Variants in ETV6 observed in about 807,000 individuals in gnomAD.
The protein encoded by ETV6 is transcription factor ETV6.
ETV6 carries 16 observed loss-of-function variants against 51.1 expected under a neutral mutation model. The observed-to-expected ratio is 0.31, with a 90% CI of 0.21 to 0.48. The LOEUF (loss-of-function observed/expected upper bound fraction) is 0.48, where lower values mean the gene tolerates loss of function less well. ETV6 is among the 20% of genes least tolerant of loss of function. The probability of loss-of-function intolerance (pLI) is 0.99; values close to 1 mark genes in which losing one functional copy is unlikely to be tolerated. For missense variants in ETV6, 458 were observed against 594.8 expected, an observed-to-expected ratio of 0.77 and a Z score of 2.39; for synonymous variants, 240 against 224.1, an observed-to-expected ratio of 1.07 and a Z score of -0.64.
intron 1 of ETV6, among the ~76,000 whole-genome samples, chr12:11,684,929 C>A (rs749174541): frequency 5.3e-5 from 8 of 152,160 alleles, no homozygotes. Flanking sequence ...TGCTAACAAT[C>A]AGTGCTCGGA....
intron 1 of ETV6, among the ~76,000 whole-genome samples, chr12:11,721,903 G>A (rs2120931611): frequency 6.6e-6 from 1 of 152,344 alleles, no homozygotes. Flanking sequence ...AAAGTCAGCT[G>A]TTAAAATGCT....
intron 1 of ETV6, among the ~76,000 whole-genome samples, chr12:11,692,435 C>T (rs926613457): frequency 4.6e-5 from 7 of 152,140 alleles, no homozygotes; most frequent in Admixed American, 4.6e-4. Flanking sequence ...AGACGGACTA[C>T]ATATCTTATT....
chr12:11,785,752 A>G (rs1945475386), intron 2 of ETV6, among the ~76,000 whole-genome samples: 1 of 152,192 alleles, frequency 6.6e-6, no homozygotes, highest in Admixed American at 6.5e-5. Flanking sequence ...TCACTAAGCC[A>G]TGGAGTTGAT....
chr12:11,737,558 G>T (rs933633548), intron 1 of ETV6, among the ~76,000 whole-genome samples: 9 of 152,148 alleles, frequency 5.9e-5, no homozygotes, highest in African/African-American at 2.2e-4. Flanking sequence ...AGTCTGAACC[G>T]AGGAAAATAA....
chr12:11,880,502 C>T (rs1173369515), intron 5 of ETV6, among the ~76,000 whole-genome samples: 1 of 148,358 alleles, frequency 6.7e-6, no homozygotes, highest in Non-Finnish European at 1.5e-5. Context: ...AGGTTAAGCC[C>T]TTACATTGGA....
chr12:11,877,196 T>C (rs1031286523), intron 5 of ETV6, among the ~76,000 whole-genome samples: 2 of 152,318 alleles, frequency 1.3e-5, no homozygotes, highest in South Asian at 2.1e-4. Context: ...CTCAGGGGCT[T>C]CAAGGACTGG....
chr12:11,878,008 A>G (rs1947018255), intron 5 of ETV6, among the ~76,000 whole-genome samples: 1 of 152,162 alleles, frequency 6.6e-6, no homozygotes, highest in Admixed American at 6.5e-5. Context: ...CAGGGCACTG[A>G]CAGGGAAGGC....
At chr12:11,833,379 G>A (rs1946270452) in intron 2 of ETV6, among the ~76,000 whole-genome samples, 1 of 152,216 alleles carries the variant, frequency 6.6e-6, no homozygotes, top group African/African-American at 2.4e-5. Flanking sequence ...GACACAGAGA[G>A]GTTAAGTAAC....
chr12:11,680,457 A>G (rs1864503965), intron 1 of ETV6, among the ~76,000 whole-genome samples: 1 of 152,204 alleles, frequency 6.6e-6, no homozygotes, highest in African/African-American at 2.4e-5. Flanking sequence ...AGCTGTCGTC[A>G]GCCCAAAAGG....
intron 2 of ETV6, among the ~76,000 whole-genome samples, chr12:11,785,413 A>G (rs1274525465): frequency 2.0e-5 from 3 of 152,100 alleles, no homozygotes; most frequent in Non-Finnish European, 4.4e-5. Flanking sequence ...ACCATTTGAC[A>G]CAGTGTATAT....
rs541540230 is a variant in ETV6 at position 11,752,722 on chromosome 12, C to T, written c.163+143C>T. On this transcript the variant is annotated intron_variant, in intron 2 of 7. Transcript: ENST00000396373. ...ACGCTGCTTTGGAATCTTTCACACCCCCCTACCCCCAGATACCTTTGAAAA... is the reference window on the plus strand; with the variant it reads ...ACGCTGCTTTGGAATCTTTCACACCTCCCTACCCCCAGATACCTTTGAAAA... 1.2e-4 allele frequency: 123 copies of T among 1,064,688 alleles called. 1 individual carries two copies. The East Asian group carries it at 2.8e-3, about 24-fold the overall frequency. 66.0% of individuals were successfully genotyped at this position (1,064,688 alleles called of 1,614,324 possible). A position where few individuals can be genotyped will look rare whatever the true frequency, so the allele number is the denominator to read the frequency against.
chr12:11,891,098 A>T lies in ETV6; in HGVS notation c.*52A>T. ...CCAGCAGCCCAGGGAACCCCTGCCC[A>T]CCAGGATTGCTGGAAGTGTGACGGA... On this transcript the variant is annotated 3_prime_UTR_variant, in exon 8 of 8. Transcript: ENST00000396373. The T allele has an allele frequency of 4.2e-6, 6 of 1,433,434 alleles. No homozygotes were observed. Among genetic ancestry groups the T allele is most frequent in the Non-Finnish European group, 3.9e-6 (4 of 1,021,248 alleles). The allele number at this position is 1,433,434 out of a possible 1,614,324, so 88.8% of individuals were successfully genotyped here.
chr12:11,655,426 AG>A (rs1863982853), intron 1 of ETV6, among the ~76,000 whole-genome samples: 1 of 152,212 alleles, frequency 6.6e-6, no homozygotes, highest in African/African-American at 2.4e-5. Flanking sequence ...TGCCAAACCT[AG>A]TATTTGGGGA....
rs1449671604 is a variant in ETV6, at chr12:11,869,647, C to T, written c.687C>T (p.His229=). The T allele has an allele frequency of 6.2e-7, 1 of 1,614,072 alleles. No homozygotes were observed. Among genetic ancestry groups the T allele is most frequent in the Admixed American group, 1.7e-5 (1 of 60,004 alleles). The change falls in exon 5 of 8, where the codon CAC becomes CAT. Residue 229 remains histidine (H), a synonymous_variant. Transcript: ENST00000396373. The surrounding 1 kb of genome is among the most constrained non-coding windows in gnomAD (Gnocchi z 5.0). ...QGPRPHQENN[H]QESYPLSVSP... ...CCAGGCCGCACCAGGAGAACAACCA[C>T]CAGGAGTCCTACCCTCTGTCAGTGT...
Position 11,893,841 on chromosome 12 carries a change from T to TATATATATATACAC in ETV6, c.*2796_*2797insTATATATATACACA, listed in dbSNP as rs1491290450. On this transcript the variant is annotated 3_prime_UTR_variant, in exon 8 of 8. Coordinates refer to ENST00000396373, the MANE Select transcript of ETV6 (RefSeq NM_001987.5). The stretch of plus-strand genomic sequence containing the variant: ...ATATATATATATATATATATATATA[T>TATATATATATACAC]ACACACACACACACATACACAAATA... The TATATATATATACAC allele has an allele frequency of 8.7e-5, 5 of 57,320 alleles. No individual in the cohort carries two copies. Among genetic ancestry groups the TATATATATATACAC allele is most frequent in the African/African-American group, 3.2e-4 (5 of 15,696 alleles). The allele number at this position is 57,320 out of a possible 1,614,324, so 3.6% of individuals were successfully genotyped here.
chr12:11,736,010 G>GA (rs1865697532), intron 1 of ETV6, among the ~76,000 whole-genome samples: 1 of 152,230 alleles, frequency 6.6e-6, no homozygotes, highest in Non-Finnish European at 1.5e-5. Flanking sequence ...AAGTTTAAAT[G>GA]AAACAGTGTA....
At chr12:11,671,434 T>C (rs1400762278) in intron 1 of ETV6, among the ~76,000 whole-genome samples, 1 of 152,212 alleles carries the variant, frequency 6.6e-6, no homozygotes, top group Non-Finnish European at 1.5e-5. Context: ...GTAGGGTGAC[T>C]ATAGTTCATG....
chr12:11,796,328 G>A (rs1945676219), intron 2 of ETV6, among the ~76,000 whole-genome samples: 2 of 152,194 alleles, frequency 1.3e-5, no homozygotes, highest in Non-Finnish European at 2.9e-5. Flanking sequence ...GCCAAGATTC[G>A]TATTTACCTG....
intron 5 of ETV6, among the ~76,000 whole-genome samples, chr12:11,878,866 T>G (rs1444844944): frequency 1.3e-5 from 2 of 148,960 alleles, no homozygotes. Context: ...GCCCCCTGAA[T>G]GTTGTAAACC....
Sources: gnomAD v4.1 joint callset for allele counts (sites outside exome capture counted in the v4.1 genomes callset) on GRCh38, gnomAD v4.1.1 for gene constraint, Gnocchi (gnomAD v3.1) non-coding constraint, MANE v1.5 for transcripts, NCBI Gene and HGNC (gene_info 2026-07-23, HGNC 2026-07-21) for gene names.